The following CDH6 variants were observed in gnomAD, a reference collection of about 807,000 sequenced individuals.
CDH6 encodes the protein cadherin-6.
CDH6 carries 31 observed loss-of-function variants against 78.0 expected under a neutral mutation model. The observed-to-expected ratio is 0.40, with a 90% CI of 0.30 to 0.54. The LOEUF (loss-of-function observed/expected upper bound fraction) is 0.54. Ranked by LOEUF, CDH6 falls within the 20% of genes least tolerant of loss-of-function variation. The pLI, the probability that CDH6 is intolerant of heterozygous loss-of-function variation, is 0.56. For synonymous variants in CDH6, 376 were observed against 368.8 expected (o/e 1.02, Z -0.23); for missense variants, 724 against 975.9 (o/e 0.74, Z 3.44).
intron 2 of CDH6, among the ~76,000 whole-genome samples, chr5:31,277,896 A>G (rs1371017274): frequency 6.6e-6 from 1 of 152,230 alleles, no homozygotes; most frequent in African/African-American, 2.4e-5. Context: ...GACAAAAATT[A>G]TATATACTTA....
At chr5:31,235,230 C>CTTTTTTTTTTT (rs1228977478) in intron 1 of CDH6, among the ~76,000 whole-genome samples, 2 of 45,988 alleles carry the variant, frequency 4.3e-5, no homozygotes, top group South Asian at 1.1e-3. Flanking sequence ...TTTTCTATTC[C>CTTTTTTTTTTT]TTTTTCTTTT....
At chr5:31,282,473 C>T (rs1169947502) in intron 2 of CDH6, among the ~76,000 whole-genome samples, 2 of 152,146 alleles carry the variant, frequency 1.3e-5, no homozygotes, top group Admixed American at 6.5e-5. Context: ...CAACTCTCCC[C>T]TCTTTCCCTT....
rs562618759 is a variant in CDH6, at chr5:31,275,149, C to A, written c.228+7448C>A. Among the ~76,000 whole-genome samples, 3 of 152,282 alleles carry A rather than the reference C, an allele frequency of 2.0e-5. No homozygotes were observed. The East Asian group carries it at 5.8e-4, about 29-fold the overall frequency. ...GATAAGAATATAAATAAGCTGAATG[C>A]CAACATCCTAGTTTACATTTCTTTC... On this transcript the variant is annotated intron_variant, in intron 2 of 11. Coordinates refer to ENST00000265071, the MANE Select transcript of CDH6 (RefSeq NM_004932.4).
chr5:31,290,548 G>A lies in CDH6; in HGVS notation c.229-3414G>A, dbSNP rs192516909. 1.8e-3 allele frequency among the ~76,000 whole-genome samples: 270 copies of A among 152,266 alleles called. 1 individual carries two copies. Among genetic ancestry groups the A allele is most frequent in the Non-Finnish European group, 3.2e-3 (220 of 68,022 alleles). On this transcript the variant is annotated intron_variant, in intron 2 of 11. Coordinates refer to ENST00000265071, the MANE Select transcript of CDH6 (RefSeq NM_004932.4). ...TGTTTAACTTCTGTCTTTTACAGTG[G>A]CCATGATGGATGACATCACAAAAGA... is the stretch of plus-strand genomic sequence containing the variant.
intron 1 of CDH6, among the ~76,000 whole-genome samples, chr5:31,223,326 C>T (rs1370183486): frequency 6.6e-6 from 1 of 152,100 alleles, no homozygotes; most frequent in Non-Finnish European, 1.5e-5. Context: ...AATATTCTGA[C>T]TTTGTATTTA....
Position 31,294,006 on chromosome 5 carries a change from C to A in CDH6, c.273C>A (p.Ile91=). The change falls in exon 3 of 12, where the codon ATC becomes ATA. Residue 91 remains isoleucine (I), a synonymous_variant. Transcript: ENST00000265071. The surrounding 1 kb of genome is among the most constrained non-coding windows in gnomAD (Gnocchi z 4.1). Reference sequence around the variant, plus strand: ...GAGGAGATGGATCACTTAAATATATCCTTTCAGGAGATGGAGCAGGAGATC... The same window carrying A: ...GAGGAGATGGATCACTTAAATATATACTTTCAGGAGATGGAGCAGGAGATC... The part of the protein sequence containing the change: ...QDRGDGSLKY[I]LSGDGAGDLF... The A allele has an allele frequency of 6.2e-7, 1 of 1,611,946 alleles. No individual in the cohort carries two copies. Among genetic ancestry groups the A allele is most frequent in the Non-Finnish European group, 8.5e-7 (1 of 1,178,648 alleles).
chr5:31,302,509 G>A, intron 6 of CDH6: 1 of 414,940 alleles, frequency 2.4e-6, no homozygotes, highest in East Asian at 3.5e-5. Flanking sequence ...GATCTCTTGA[G>A]TCCTGGAGTT....
At chr5:31,259,863 C>A (rs968858405) in intron 1 of CDH6, among the ~76,000 whole-genome samples, 1 of 152,104 alleles carries the variant, frequency 6.6e-6, no homozygotes, top group African/African-American at 2.4e-5. Flanking sequence ...GAACATAAGG[C>A]CCCAGCAGGG....
chr5:31,234,721 CCTT>C (rs1741404184), intron 1 of CDH6, among the ~76,000 whole-genome samples: 1 of 152,042 alleles, frequency 6.6e-6, no homozygotes, highest in African/African-American at 2.4e-5. Context: ...AGGCTCCAGA[CCTT>C]CTTTCTTAGG....
In CDH6 at chr5:31,323,150, G is replaced by T. The variant is rs760974233; in HGVS notation, c.2215G>T (p.Ala739Ser). 3 of 1,614,134 alleles carry T rather than the reference G, an allele frequency of 1.9e-6. No homozygotes were observed. Among genetic ancestry groups the T allele is most frequent in the Admixed American group, 1.7e-5 (1 of 60,022 alleles). The part of the protein sequence containing the change: ...APPYDSLATY[A>S]YEGTGSVADS... ...GCCATACGACTCCTTGGCCACTTAC[G>T]CCTATGAAGGCACTGGCTCCGTGGC... Residue 739 changes from alanine (A) to serine (S), a missense_variant, in exon 12 of 12, where the codon GCC becomes TCC. Coordinates refer to ENST00000265071, the MANE Select transcript of CDH6 (RefSeq NM_004932.4).
Position 31,325,352 on chromosome 5 carries a change from A to G in CDH6, c.*2044A>G. 1 of 221,006 alleles carries G rather than the reference A, an allele frequency of 4.5e-6. No homozygotes were observed. The allele number at this position is 221,006 out of a possible 1,614,324, so 13.7% of individuals were successfully genotyped here. On this transcript the variant is annotated 3_prime_UTR_variant, in exon 12 of 12. Transcript: ENST00000265071. ...CACACACACACACACACACACACAC[A>G]CACGAATGCAAACAAAAGGCTATAT... is the stretch of plus-strand genomic sequence containing the variant.
chr5:31,205,436 G>A (rs554710088), intron 1 of CDH6, among the ~76,000 whole-genome samples: 1 of 152,140 alleles, frequency 6.6e-6, no homozygotes, highest in Non-Finnish European at 1.5e-5. Context: ...CTCCAGGCAG[G>A]CGTTTTATTA....
At chr5:31,283,823 TA>T (rs1316457460) in intron 2 of CDH6, among the ~76,000 whole-genome samples, 295 of 142,574 alleles carry the variant, frequency 2.1e-3, no homozygotes, top group African/African-American at 6.2e-3. Flanking sequence ...CTCTTTTTTT[TA>T]TTTTTTTTAA....
At chr5:31,230,646 A>G (rs1741287717) in intron 1 of CDH6, among the ~76,000 whole-genome samples, 1 of 152,196 alleles carries the variant, frequency 6.6e-6, no homozygotes, top group Non-Finnish European at 1.5e-5. Context: ...TGCAAAAATG[A>G]AAATGCTATT....
chr5:31,321,478 T>A (rs1326875217), intron 11 of CDH6, among the ~76,000 whole-genome samples: 1 of 152,164 alleles, frequency 6.6e-6, no homozygotes, highest in Non-Finnish European at 1.5e-5. Flanking sequence ...CAACTTCCTC[T>A]TATGTAAAAT....
intron 2 of CDH6, among the ~76,000 whole-genome samples, chr5:31,293,302 T>G (rs1457781933): frequency 6.6e-6 from 1 of 152,124 alleles, no homozygotes; most frequent in Non-Finnish European, 1.5e-5. Flanking sequence ...TCTAGTCAGG[T>G]GATTTTCAAG....
intron 7 of CDH6, among the ~76,000 whole-genome samples, chr5:31,310,161 T>C (rs1350884474): frequency 1.3e-5 from 2 of 152,198 alleles, no homozygotes; most frequent in African/African-American, 4.8e-5. Context: ...GTTAGTTACT[T>C]CCATACAATG....
At position 31,267,715 on chromosome 5, in the gene CDH6, G is replaced by T. The variant is rs748329329; in HGVS notation, c.228+14G>T. On this transcript the variant is annotated intron_variant, in intron 2 of 11. Coordinates refer to ENST00000265071, the MANE Select transcript of CDH6 (RefSeq NM_004932.4). ...TATGTGGGCAAGGTAGGATTCCTTTGAGTGCTTTGACATTCTGGGTTTAAA... is the reference window on the plus strand; with the variant it reads ...TATGTGGGCAAGGTAGGATTCCTTTTAGTGCTTTGACATTCTGGGTTTAAA... 6.3e-7 allele frequency: 1 copy of T among 1,588,590 alleles called. No homozygotes were observed. The highest frequency in any genetic ancestry group is 8.6e-7 in the Non-Finnish European group (1 of 1,156,730).
In CDH6 at chr5:31,267,452, C is replaced by T. The variant is rs1477699258; in HGVS notation, c.-22C>T. ...CCAAGAGTGGGGCACTCACTACGCA[C>T]AGACTCGACGGTGCCATCAGCATGA... On this transcript the variant is annotated 5_prime_UTR_variant, in exon 2 of 12. Transcript: ENST00000265071. The T allele has an allele frequency of 6.3e-7, 1 of 1,595,022 alleles. No individual in the cohort carries two copies. Among genetic ancestry groups the T allele is most frequent in the Admixed American group, 1.7e-5 (1 of 59,982 alleles).
Sources: allele counts gnomAD v4.1 joint callset (sites outside exome capture counted in the v4.1 genomes callset), GRCh38; gene constraint gnomAD v4.1.1; non-coding constraint Gnocchi (gnomAD v3.1); transcripts MANE v1.5; gene names NCBI Gene and HGNC (gene_info 2026-07-23, HGNC 2026-07-21).